Variants in EPCAM observed in about 807,000 individuals in gnomAD.
EPCAM encodes epithelial cell adhesion molecule.
A neutral mutation model predicts 40.0 loss-of-function variants in EPCAM; 39 were observed. The ratio of observed to expected loss-of-function variants is 0.98; its 90% CI spans 0.76 to 1.27. The LOEUF is 1.27. Ranked by LOEUF, EPCAM falls within the 50% of genes most tolerant of loss-of-function variation. The pLI is 0.00. For synonymous variants in EPCAM, 168 were observed against 132.3 expected, an observed-to-expected ratio of 1.27 and a Z score of -1.85; for missense variants, 503 against 381.2, an observed-to-expected ratio of 1.32 and a Z score of -2.66.
At position 47,379,044 on chromosome 2, in the gene EPCAM, T is replaced by G; in HGVS notation, c.647T>G (p.Phe216Cys). Residue 216 changes from phenylalanine to cysteine, a missense_variant, in exon 6 of 9, where the codon TTT becomes TGT. By Grantham distance (205) the Phe-to-Cys change is radical. Coordinates refer to ENST00000263735, the MANE Select transcript of EPCAM (RefSeq NM_002354.3). ...GACATAGCTGATGTGGCTTATTATT[T>G]TGAAAAAGATGTGAGTATCATCTTC... is the stretch of plus-strand genomic sequence containing the variant. Reference protein sequence around the residue: ...DVDIADVAYYFEKDVKGESLF... With the variant: ...DVDIADVAYYCEKDVKGESLF... 1 of 1,558,884 alleles carries G rather than the reference T, an allele frequency of 6.4e-7. No homozygotes were observed. Among genetic ancestry groups the G allele is most frequent in the Non-Finnish European group, 8.9e-7 (1 of 1,129,882 alleles).
At chr2:47,378,832 C>T in intron 5 of EPCAM, 121 bp from the exon 6 acceptor site, 2 of 649,746 alleles carry the variant, frequency 3.1e-6, no homozygotes, top group Non-Finnish European at 5.6e-6. Flanking sequence ...TGGAAAGGAA[C>T]AGTGATGCAT....
intron 1 of EPCAM, chr2:47,369,804 G>C (rs1042205728): frequency 1.0e-5 from 7 of 678,294 alleles, no homozygotes; most frequent in Non-Finnish European, 2.0e-5. Context: ...AGCTTTGCTC[G>C]CCTTGGTAGG....
At chr2:47,384,961 C>T (rs371259105) in intron 7 of EPCAM, among the ~76,000 whole-genome samples, 3 of 152,106 alleles carry the variant, frequency 2.0e-5, no homozygotes, top group Middle Eastern at 3.2e-3. Context: ...CCCGCTTCGG[C>T]CTCCCAAAGT....
chr2:47,385,092 A>T, intron 7 of EPCAM, 74 bp from the exon 8 acceptor site: 1 of 1,090,320 alleles, frequency 9.2e-7, no homozygotes, highest in Non-Finnish European at 1.4e-6. Flanking sequence ...GTCCATTAAA[A>T]GCATATATGT....
In EPCAM at chr2:47,385,185, G is replaced by A. The variant is rs786204192; in HGVS notation, c.878G>A (p.Arg293Lys). Residue 293 changes from arginine to lysine, a missense_variant, in exon 8 of 9, where the codon AGA becomes AAA. Arg to Lys is a conservative substitution (Grantham distance 26). Coordinates refer to ENST00000263735, the MANE Select transcript of EPCAM (RefSeq NM_002354.3). ...IVVLVISRKKRMAKYEKAEIK... is the reference protein window; with the variant it reads ...IVVLVISRKKKMAKYEKAEIK... ...ACTCAGGTTATTTCCAGAAAGAAGA[G>A]AATGGCAAAGTATGAGAAGGCTGAG... is the stretch of plus-strand genomic sequence containing the variant. 2 of 1,613,130 alleles carry A rather than the reference G, an allele frequency of 1.2e-6. No homozygotes were observed. The highest frequency in any genetic ancestry group is 1.3e-5 in the African/African-American group (1 of 74,976).
In EPCAM at chr2:47,379,067, T is replaced by C; in HGVS notation, c.657+13T>C. On this transcript the variant is annotated intron_variant, in intron 6 of 8. Transcript: ENST00000263735. ...TTTTGAAAAAGATGTGAGTATCATC[T>C]TCTTTATTCCTGTGTTCAGGAATGT... 7.6e-7 allele frequency: 1 copy of C among 1,314,618 alleles called. No homozygotes were observed. The highest frequency in any genetic ancestry group is 1.1e-6 in the Non-Finnish European group (1 of 907,018). The allele number at this position is 1,314,618 out of a possible 1,614,324, so 81.4% of individuals were successfully genotyped here.
intron 3 of EPCAM, 96 bp downstream of exon 3, chr2:47,374,144 A>G: frequency 3.5e-6 from 5 of 1,442,806 alleles, no homozygotes; most frequent in Middle Eastern, 1.8e-4. Flanking sequence ...ATGGTTTAGA[A>G]TTCAGAAGAT....
At chr2:47,382,944 G>A (rs1671631263) in intron 7 of EPCAM, among the ~76,000 whole-genome samples, 1 of 151,812 alleles carries the variant, frequency 6.6e-6, no homozygotes, top group East Asian at 1.9e-4. Context: ...ATTTGTATTA[G>A]TGTGGAAAAG....
chr2:47,376,223 C>T (rs547054805), intron 4 of EPCAM, among the ~76,000 whole-genome samples: 52 of 150,584 alleles, frequency 3.5e-4, no homozygotes, highest in African/African-American at 1.3e-3. Flanking sequence ...ATATAATGTC[C>T]CTCAAATTTT....
rs2103745566 is a variant in EPCAM at position 47,373,484 on chromosome 2, A to G, written c.98A>G (p.Lys33Arg). ...AQEECVCENY[K>R]LAVNCFVNNN... is the part of the protein sequence containing the mutation. ...CTAGAATGTGTCTGTGAAAACTACA[A>G]GCTGGCCGTAAACTGCTTTGTGAAT... The change falls in exon 2 of 9, where the codon AAG (lysine) becomes AGG (arginine). Residue 33 changes from lysine (K) to arginine (R), a missense_variant. Coordinates refer to ENST00000263735, the MANE Select transcript of EPCAM (RefSeq NM_002354.3). 1 of 1,612,936 alleles carries G rather than the reference A, an allele frequency of 6.2e-7. No individual in the cohort carries two copies. The highest frequency in any genetic ancestry group is 8.5e-7 in the Non-Finnish European group (1 of 1,179,200).
In EPCAM at chr2:47,377,083, ATT is replaced by A. The variant is rs780919846; in HGVS notation, c.555+11_555+12del. The A allele has an allele frequency of 2.5e-6, 4 of 1,578,844 alleles. No homozygotes were observed. The Admixed American group carries it at 6.7e-5, about 26-fold the overall frequency. ...AATTTATCACGAGTATTTTGGTATG[ATT>A]TTTTAATAAGTGAGCTTTAGCAGAC... On this transcript the variant is annotated splice_region_variant and intron_variant, in intron 5 of 8. Coordinates refer to ENST00000263735, the MANE Select transcript of EPCAM (RefSeq NM_002354.3).
intron 4 of EPCAM, among the ~76,000 whole-genome samples, chr2:47,376,210 T>C (rs116046245): frequency 0.025 from 3,728 of 151,954 alleles, 75 homozygotes; most frequent in Non-Finnish European, 0.037. Context: ...GGCAAGTCAT[T>C]ATATATAATG....
chr2:47,384,970 G>T (rs1473568588), intron 7 of EPCAM, among the ~76,000 whole-genome samples, 196 bp from the exon 8 acceptor site: 1 of 152,112 alleles, frequency 6.6e-6, no homozygotes, highest in African/African-American at 2.4e-5. Context: ...GCCTCCCAAA[G>T]TGCCGGGATT....
chr2:47,373,405 G>A (rs1671332587), intron 1 of EPCAM, 58 bp from the exon 2 acceptor site: 4 of 1,043,134 alleles, frequency 3.8e-6, no homozygotes, highest in Non-Finnish European at 5.8e-6. Context: ...TAACTTAGCT[G>A]GGACATGAGA....
intron 8 of EPCAM, 148 bp downstream of exon 8, chr2:47,385,358 A>G: frequency 1.4e-6 from 1 of 705,458 alleles, no homozygotes. Context: ...CTTAGAATGT[A>G]CTCTTACCTA....
chr2:47,381,919 A>T (rs1423510695), intron 7 of EPCAM, among the ~76,000 whole-genome samples: 4 of 152,168 alleles, frequency 2.6e-5, no homozygotes, highest in African/African-American at 9.7e-5. Flanking sequence ...GGTATGTGCC[A>T]CTATACCTGG....
In EPCAM at chr2:47,370,053, C is replaced by G. The variant is rs567167240; in HGVS notation, c.76+472C>G. On this transcript the variant is annotated intron_variant, in intron 1 of 8. Coordinates refer to ENST00000263735, the MANE Select transcript of EPCAM (RefSeq NM_002354.3). ...TGGGCCTCAGGCGGGGACAGGCGCC[C>G]GCAGGGAGGCCTCCAGGGCCGCTAT... 4.6e-5 allele frequency among the ~76,000 whole-genome samples: 7 copies of G among 152,332 alleles called. No homozygotes were observed. The South Asian group carries it at 8.3e-4, about 18-fold the overall frequency.
Position 47,374,189 on chromosome 2 carries a change from A to C in EPCAM, c.425+141A>C. 5 of 980,280 alleles carry C rather than the reference A, an allele frequency of 5.1e-6. No individual in the cohort carries two copies. In the South Asian group the frequency reaches 5.8e-5, roughly 11 times the overall value. The allele number at this position is 980,280 out of a possible 1,614,324, so 60.7% of individuals were successfully genotyped here. A position where few individuals can be genotyped will look rare whatever the true frequency, so the allele number is the denominator to read the frequency against. On this transcript the variant is annotated intron_variant, in intron 3 of 8. Transcript: ENST00000263735. ...CAGTGAAAAGCTTCCTTCTCATTCC[A>C]GTCCCCCTCGCTACCCATTGGACCT...
At position 47,375,646 on chromosome 2, in the gene EPCAM, T is replaced by C. The variant is rs558763431; in HGVS notation, c.491+347T>C. ...CCCCTAAGTACTTCAGTGTATGTTT[T>C]CCTAAGAACAAAAGGCATTCTTTTA... On this transcript the variant is annotated intron_variant, in intron 4 of 8. Coordinates refer to ENST00000263735, the MANE Select transcript of EPCAM (RefSeq NM_002354.3). 2.0e-5 allele frequency among the ~76,000 whole-genome samples: 3 copies of C among 152,278 alleles called. No homozygotes were observed. The South Asian group carries it at 6.2e-4, about 32-fold the overall frequency.
Sources: allele counts gnomAD v4.1 joint callset (sites outside exome capture counted in the v4.1 genomes callset), GRCh38; gene constraint gnomAD v4.1.1; transcripts MANE v1.5; gene names NCBI Gene and HGNC (gene_info 2026-07-23, HGNC 2026-07-21).